AGPS: variants seen among roughly 807,000 people sequenced by gnomAD.
AGPS encodes the protein alkylglycerone phosphate synthase, also known as alkyldihydroxyacetonephosphate synthase, peroxisomal.
Under a neutral mutation model 90.7 loss-of-function variants are expected in AGPS, and 26 were observed. The observed-to-expected ratio is 0.29, with a 90% CI of 0.21 to 0.40. The LOEUF (loss-of-function observed/expected upper bound fraction) is 0.40. Ranked by LOEUF, AGPS falls within the 10% of genes least tolerant of loss-of-function variation. The pLI, the probability that AGPS is intolerant of heterozygous loss-of-function variation, is 1.00. For synonymous variants in AGPS, 294 were observed against 285.3 expected, an observed-to-expected ratio of 1.03 and a Z score of -0.31; for missense variants, 540 against 816.1, an observed-to-expected ratio of 0.66 and a Z score of 4.12.
At chr2:177,512,661 G>A (rs1439975604) in intron 16 of AGPS, among the ~76,000 whole-genome samples, 1 of 152,040 alleles carries the variant, frequency 6.6e-6, no homozygotes, top group Non-Finnish European at 1.5e-5. Flanking sequence ...ACAAATCAAG[G>A]TTTAAAACAC....
chr2:177,449,227 C>G (rs1307618244), intron 8 of AGPS, among the ~76,000 whole-genome samples: 2 of 152,098 alleles, frequency 1.3e-5, no homozygotes, highest in African/African-American at 4.8e-5. Flanking sequence ...ATGAATAGAT[C>G]AAAATGGTAG....
intron 6 of AGPS, among the ~76,000 whole-genome samples, chr2:177,441,884 TATAA>T (rs1429124305): frequency 1.3e-5 from 2 of 152,228 alleles, no homozygotes; most frequent in Non-Finnish European, 2.9e-5. Flanking sequence ...CCAAAGAACA[TATAA>T]ATGTTTTTAA....
chr2:177,417,798 G>A (rs749907441), intron 1 of AGPS, among the ~76,000 whole-genome samples: 22 of 152,114 alleles, frequency 1.4e-4, no homozygotes, highest in East Asian at 3.9e-4. Context: ...CTGTAATACC[G>A]TTCAAAATAC....
intron 14 of AGPS, among the ~76,000 whole-genome samples, chr2:177,504,769 G>A (rs1311756886): frequency 1.3e-5 from 2 of 151,892 alleles, no homozygotes; most frequent in East Asian, 3.9e-4. Context: ...GTATGATAAT[G>A]GAAAAAGCAT....
intron 10 of AGPS, among the ~76,000 whole-genome samples, chr2:177,477,034 A>T (rs1372273201): frequency 6.6e-6 from 1 of 151,826 alleles, no homozygotes; most frequent in Non-Finnish European, 1.5e-5. Context: ...CGTATCTCTG[A>T]ATTTAAAGTG....
In AGPS at chr2:177,538,203, A is replaced by T. The variant is rs1464499898; in HGVS notation, c.*8A>T. ...AACAGAAACCTTTTATAAATCCATT[A>T]GTACCATTACAAAAAAATGTCAATT... On this transcript the variant is annotated 3_prime_UTR_variant, in exon 20 of 20. Transcript: ENST00000264167. 1 of 1,612,258 alleles carries T rather than the reference A, an allele frequency of 6.2e-7. No homozygotes were observed. Among genetic ancestry groups the T allele is most frequent in the Non-Finnish European group, 8.5e-7 (1 of 1,178,704 alleles).
chr2:177,428,666 G>A (rs1686149853), intron 2 of AGPS, among the ~76,000 whole-genome samples: 1 of 152,124 alleles, frequency 6.6e-6, no homozygotes, highest in South Asian at 2.1e-4. Context: ...CTGGCCTGTA[G>A]GGTTTTTGCT....
chr2:177,413,775 C>G (rs1455086381), intron 1 of AGPS, among the ~76,000 whole-genome samples: 2 of 152,266 alleles, frequency 1.3e-5, no homozygotes, highest in East Asian at 3.9e-4. Flanking sequence ...ATGGCAGGTA[C>G]CAAGCTTGTG....
chr2:177,402,648 G>A (rs1685360813), intron 1 of AGPS, among the ~76,000 whole-genome samples: 1 of 152,184 alleles, frequency 6.6e-6, no homozygotes, highest in African/African-American at 2.4e-5. Context: ...GTTATGAAGA[G>A]TAACTTTAAA....
intron 17 of AGPS, among the ~76,000 whole-genome samples, chr2:177,517,301 A>AT (rs2105729593): frequency 6.6e-6 from 1 of 152,232 alleles, no homozygotes; most frequent in Admixed American, 6.5e-5. Flanking sequence ...ATGTATAAAT[A>AT]TTGAGTCATA....
chr2:177,465,542 A>G (rs1687420994), intron 9 of AGPS, among the ~76,000 whole-genome samples: 1 of 152,168 alleles, frequency 6.6e-6, no homozygotes, highest in Non-Finnish European at 1.5e-5. Flanking sequence ...CCAGGCACAG[A>G]GTAGTGAGGG....
intron 7 of AGPS, 45 bp downstream of exon 7, chr2:177,442,531 C>A (rs1405495768): frequency 7.0e-7 from 1 of 1,428,866 alleles, no homozygotes; most frequent in Admixed American, 1.7e-5. Flanking sequence ...TCTTTATTGG[C>A]TCCACCTTAA....
chr2:177,403,206 C>A (rs189701010), intron 1 of AGPS, among the ~76,000 whole-genome samples: 10 of 152,268 alleles, frequency 6.6e-5, no homozygotes, highest in African/African-American at 2.4e-4. Context: ...ACTGATGTGT[C>A]TTCTATTACT....
chr2:177,513,302 A>G (rs907365313), intron 16 of AGPS, among the ~76,000 whole-genome samples: 1 of 152,024 alleles, frequency 6.6e-6, no homozygotes, highest in Non-Finnish European at 1.5e-5. Context: ...ACTGTTGCCC[A>G]GGCTAGTCTC....
At chr2:177,420,232 G>C in intron 1 of AGPS, 37 bp from the exon 2 acceptor site, 1 of 1,287,448 alleles carries the variant, frequency 7.8e-7, no homozygotes, top group East Asian at 2.3e-5. Context: ...AAGATGTTTA[G>C]CATTGGTCTC....
chr2:177,520,637 A>AGTAT (rs1181195173), intron 17 of AGPS, among the ~76,000 whole-genome samples: 1 of 152,210 alleles, frequency 6.6e-6, no homozygotes, highest in Admixed American at 6.5e-5. Flanking sequence ...TACTATTTGT[A>AGTAT]GTATGGAAGT....
At chr2:177,513,962 T>A (rs1402552430) in intron 17 of AGPS, 54 bp downstream of exon 17, 20 of 1,331,966 alleles carry the variant, frequency 1.5e-5, no homozygotes, top group Non-Finnish European at 1.7e-5. Flanking sequence ...ATGTTTTTTT[T>A]AATCAAGGGG....
At chr2:177,476,799 T>G (rs1019120699) in intron 10 of AGPS, among the ~76,000 whole-genome samples, 1 of 152,170 alleles carries the variant, frequency 6.6e-6, no homozygotes, top group African/African-American at 2.4e-5. Flanking sequence ...ATTTCTCCCT[T>G]CATTTCTGTC....
At position 177,462,409 on chromosome 2, in the gene AGPS, A is replaced by G. The variant is rs867065893; in HGVS notation, c.996+391A>G. On this transcript the variant is annotated intron_variant, in intron 9 of 19. Coordinates refer to ENST00000264167, the MANE Select transcript of AGPS (RefSeq NM_003659.4). Reference sequence around the variant, plus strand: ...TTCTGTCTCAAAAAAAAAAAAAGAAAAAAGAAAAAGAGTTGGATGGTAGAT... The same window carrying G: ...TTCTGTCTCAAAAAAAAAAAAAGAAGAAAGAAAAAGAGTTGGATGGTAGAT... Among the ~76,000 whole-genome samples the G allele has an allele frequency of 5.0e-3, 761 of 150,986 alleles. 18 individuals are homozygous for G. The highest frequency in any genetic ancestry group is 0.017 in the African/African-American group (713 of 41,236).
Sources: gnomAD v4.1 joint callset for allele counts (sites outside exome capture counted in the v4.1 genomes callset) on GRCh38, gnomAD v4.1.1 for gene constraint, MANE v1.5 for transcripts, NCBI Gene and HGNC (gene_info 2026-07-23, HGNC 2026-07-21) for gene names.